Variants in SPTBN4 observed in about 807,000 individuals in gnomAD.
The protein encoded by SPTBN4 is spectrin beta, non-erythrocytic 4.
Under a neutral mutation model 277.8 loss-of-function variants are expected in SPTBN4, and 96 were observed. The observed-to-expected ratio is 0.35, with a 90% CI of 0.29 to 0.41. The LOEUF (loss-of-function observed/expected upper bound fraction) is 0.41, where lower values mean the gene tolerates loss of function less well. SPTBN4 is among the 10% of genes least tolerant of loss of function. The probability of loss-of-function intolerance (pLI) is 1.00; values close to 1 mark genes in which losing one functional copy is unlikely to be tolerated. For missense variants in SPTBN4, 3,006 were observed against 3,595.7 expected (o/e 0.84, Z 4.19); for synonymous variants, 1,481 against 1,580.3 (o/e 0.94, Z 1.49).
intron 27 of SPTBN4, among the ~76,000 whole-genome samples, chr19:40,563,511 T>C (rs2081063320): frequency 6.6e-6 from 1 of 152,028 alleles, no homozygotes; most frequent in South Asian, 2.1e-4. Flanking sequence ...TGAAACTTAA[T>C]TTTAGTAATA....
rs1165837 is a variant in SPTBN4, at chr19:40,569,756, G to T, written c.7026+30G>T. On this transcript the variant is annotated intron_variant, in intron 32 of 35. Transcript: ENST00000598249. Reference sequence around the variant, plus strand: ...GTTGAGCCTCGGATGGGTGGGGATAGGAGGACCCCTTTTTCAGAGCAGGAG... The same window carrying T: ...GTTGAGCCTCGGATGGGTGGGGATATGAGGACCCCTTTTTCAGAGCAGGAG... 2.5e-6 allele frequency: 4 copies of T among 1,591,340 alleles called. No homozygotes were observed. In the South Asian group the frequency reaches 3.4e-5, roughly 13 times the overall value.
At chr19:40,569,543 G>A (rs1318514062) in intron 31 of SPTBN4, 114 bp from the exon 32 acceptor site, 9 of 1,014,178 alleles carry the variant, frequency 8.9e-6, no homozygotes, top group Admixed American at 2.6e-5. Flanking sequence ...CTGCAGAAGT[G>A]GGCAGGGGCC....
intron 22 of SPTBN4, among the ~76,000 whole-genome samples, chr19:40,551,237 C>G (rs74376117): frequency 6.6e-6 from 1 of 152,108 alleles, no homozygotes; most frequent in Admixed American, 6.6e-5. Context: ...CACAAAACAT[C>G]GAGTTAGCCT....
Position 40,560,129 on chromosome 19 carries a change from G to T in SPTBN4, c.5671-30G>T. Reference sequence around the variant, plus strand: ...AGGGCACAGCCTGGGCCCCGTGGAGGGCTGGCGCCCGACCTGGCATGCCCT... The same window carrying T: ...AGGGCACAGCCTGGGCCCCGTGGAGTGCTGGCGCCCGACCTGGCATGCCCT... On this transcript the variant is annotated intron_variant, in intron 26 of 35. Coordinates refer to ENST00000598249, the MANE Select transcript of SPTBN4 (RefSeq NM_020971.3). The surrounding 1 kb of genome is among the most constrained non-coding windows in gnomAD (Gnocchi z 5.2). 1 of 1,561,956 alleles carries T rather than the reference G, an allele frequency of 6.4e-7. No individual in the cohort carries two copies.
At chr19:40,546,225 CAAAAA>C (rs557010488) in intron 20 of SPTBN4, among the ~76,000 whole-genome samples, 3 of 69,290 alleles carry the variant, frequency 4.3e-5, no homozygotes, top group Non-Finnish European at 5.8e-5. Flanking sequence ...AACTCCATCT[CAAAAA>C]AAAAAAAAAA....
chr19:40,494,451 TTC>T (rs1251545486), intron 5 of SPTBN4, among the ~76,000 whole-genome samples: 2 of 151,642 alleles, frequency 1.3e-5, no homozygotes, highest in Admixed American at 6.6e-5. Flanking sequence ...CTCTTCTCTC[TTC>T]TTTCTTTTGC....
At chr19:40,532,431 T>C (rs1157118328) in intron 18 of SPTBN4, among the ~76,000 whole-genome samples, 194 bp from the exon 19 acceptor site, 1 of 152,038 alleles carries the variant, frequency 6.6e-6, no homozygotes, top group Non-Finnish European at 1.5e-5. Context: ...ATCCATCCTC[T>C]ATCCAGGAAA....
At chr19:40,542,040 G>A (rs1243553582) in intron 20 of SPTBN4, among the ~76,000 whole-genome samples, 1 of 152,190 alleles carries the variant, frequency 6.6e-6, no homozygotes, top group Non-Finnish European at 1.5e-5. Flanking sequence ...TCCTGCCTCA[G>A]CCTCCCAAGT....
At chr19:40,505,975 A>G (rs2080325051) in intron 12 of SPTBN4, among the ~76,000 whole-genome samples, 1 of 152,154 alleles carries the variant, frequency 6.6e-6, no homozygotes, top group Non-Finnish European at 1.5e-5. Flanking sequence ...TGGTAGAGAG[A>G]GAGGGAGACA....
At chr19:40,479,899 C>T (rs1260427316) in intron 2 of SPTBN4, among the ~76,000 whole-genome samples, 2 of 149,192 alleles carry the variant, frequency 1.3e-5, no homozygotes, top group African/African-American at 5.0e-5. Context: ...GCCAGGAGTT[C>T]AAGACCAGTC....
In SPTBN4 at chr19:40,493,031, G is replaced by A. The variant is rs751898603; in HGVS notation, c.564G>A (p.Leu188=). 7 of 1,614,006 alleles carry A rather than the reference G, an allele frequency of 4.3e-6. No homozygotes were observed. In the African/African-American group the frequency reaches 8.0e-5, roughly 18 times the overall value. The part of the protein sequence containing the change: ...ETRSAKDALL[L]WCQMKTAGYP... ...GCTCAGCCAAGGATGCTCTGCTCTT[G>A]TGGTGTCAGATGAAGACAGCTGGGT... The change falls in exon 5 of 36, where the codon TTG becomes TTA. Residue 188 remains leucine, a synonymous_variant. Transcript: ENST00000598249.
chr19:40,506,553 A>G (rs899495655), intron 13 of SPTBN4, among the ~76,000 whole-genome samples, 167 bp downstream of exon 13: 2 of 152,200 alleles, frequency 1.3e-5, no homozygotes, highest in African/African-American at 4.8e-5. Context: ...AGGGAGAATC[A>G]GTGCCCTGAG....
chr19:40,526,400 G>C (rs560448474), intron 17 of SPTBN4, among the ~76,000 whole-genome samples: 1 of 152,000 alleles, frequency 6.6e-6, no homozygotes, highest in Non-Finnish European at 1.5e-5. Flanking sequence ...TCAAACTCCT[G>C]ACTTCAAGTG....
At chr19:40,569,756 G>A in intron 32 of SPTBN4, 30 bp downstream of exon 32, 4 of 1,591,348 alleles carry the variant, frequency 2.5e-6, no homozygotes, top group Non-Finnish European at 3.4e-6. Context: ...GGTGGGGATA[G>A]GAGGACCCCT....
At chr19:40,549,045 T>C in intron 20 of SPTBN4, 144 bp from the exon 21 acceptor site, 1 of 636,328 alleles carries the variant, frequency 1.6e-6, no homozygotes, top group Non-Finnish European at 2.6e-6. Context: ...GCGGAGCGCA[T>C]CGCTCCTGGA....
At chr19:40,501,507 GA>G (rs2080262714) in intron 7 of SPTBN4, among the ~76,000 whole-genome samples, 1 of 151,884 alleles carries the variant, frequency 6.6e-6, no homozygotes, top group Admixed American at 6.6e-5. Context: ...TGTCTCTACT[GA>G]AAATATAAAA....
intron 2 of SPTBN4, among the ~76,000 whole-genome samples, chr19:40,486,061 G>C (rs113961479): frequency 0.032 from 4,849 of 151,730 alleles, 107 homozygotes; most frequent in African/African-American, 0.055. Context: ...AGGCCTATGT[G>C]GGTGGATTCC....
intron 7 of SPTBN4, among the ~76,000 whole-genome samples, chr19:40,498,901 C>G (rs1335680856): frequency 4.0e-5 from 6 of 151,506 alleles, no homozygotes; most frequent in Non-Finnish European, 8.8e-5. Context: ...GGGGTTTCAT[C>G]ATGTTGCCCA....
chr19:40,513,005 T>C lies in SPTBN4; in HGVS notation c.2216T>C (p.Val739Ala). Residue 739 changes from valine to alanine, a missense_variant, in exon 14 of 36, where the codon GTG becomes GCG. This residue lies in a region of SPTBN4 where 1,759 missense variants were observed against 2,061.5 expected (regional missense o/e 0.85). Coordinates refer to ENST00000598249, the MANE Select transcript of SPTBN4 (RefSeq NM_020971.3). The stretch of plus-strand genomic sequence containing the variant: ...GCCGTCGGCCCGGGAGCAGACACCG[T>C]GCACCTGGTAGGCCTGGCGGAGCGC... ...GGAVGPGADT[V>A]HLVGLAERAA... 1 of 1,434,220 alleles carries C rather than the reference T, an allele frequency of 7.0e-7. No homozygotes were observed. Among genetic ancestry groups the C allele is most frequent in the South Asian group, 1.4e-5 (1 of 72,576 alleles). 88.8% of individuals were successfully genotyped at this position (1,434,220 alleles called of 1,614,324 possible). A position where few individuals can be genotyped will look rare whatever the true frequency, so the allele number is the denominator to read the frequency against.
Sources: allele counts gnomAD v4.1 joint callset (sites outside exome capture counted in the v4.1 genomes callset), GRCh38; gene constraint gnomAD v4.1.1; regional missense constraint gnomAD v4.1.1; non-coding constraint Gnocchi (gnomAD v3.1); transcripts MANE v1.5; gene names NCBI Gene and HGNC (gene_info 2026-07-23, HGNC 2026-07-21).